LRMDA: variants seen among roughly 807,000 people sequenced by gnomAD.
LRMDA encodes leucine-rich melanocyte differentiation-associated protein.
LRMDA carries 18 observed loss-of-function variants against 29.8 expected under a neutral mutation model. The observed-to-expected ratio is 0.60, with a 90% confidence interval of 0.42 to 0.90. The LOEUF (loss-of-function observed/expected upper bound fraction) is 0.90, where lower values mean the gene tolerates loss of function less well. LRMDA is among the 40% of genes least tolerant of loss of function. LRMDA has a pLI of 0.00. For missense variants in LRMDA, 273 were observed against 273.9 expected, an observed-to-expected ratio of 1.00 and a Z score of 0.02; for synonymous variants, 125 against 109.4, an observed-to-expected ratio of 1.14 and a Z score of -0.89.
chr10:75,750,483 CGGGGGGT>C (rs1319999561), intron 2 of LRMDA, among the ~76,000 whole-genome samples: 3 of 45,438 alleles, frequency 6.6e-5, no homozygotes, highest in Non-Finnish European at 1.3e-4. Context: ...CCAGACGGGG[CGGGGGGT>C]GGGGGGCAGA....
At chr10:76,047,024 T>C in intron 3 of LRMDA, 140 bp from the exon 4 acceptor site, 1 of 897,586 alleles carries the variant, frequency 1.1e-6, no homozygotes, top group Non-Finnish European at 1.7e-6. Context: ...CAATACCGTA[T>C]ACCCACAGCT....
At chr10:75,930,982 CA>C (rs370098900) in intron 2 of LRMDA, among the ~76,000 whole-genome samples, 56 of 152,298 alleles carry the variant, frequency 3.7e-4, no homozygotes, top group African/African-American at 1.2e-3. Context: ...AGATAGACTA[CA>C]AAGTATTGGT....
At chr10:76,376,459 C>G (rs753759404) in intron 6 of LRMDA, among the ~76,000 whole-genome samples, 3 of 152,066 alleles carry the variant, frequency 2.0e-5, no homozygotes, top group Non-Finnish European at 4.4e-5. Context: ...TTTTCTTTAT[C>G]CAGTCATCTG....
intron 6 of LRMDA, among the ~76,000 whole-genome samples, chr10:76,358,827 A>G (rs1362428934): frequency 6.6e-6 from 1 of 152,200 alleles, no homozygotes; most frequent in Non-Finnish European, 1.5e-5. Flanking sequence ...TATCCATCTA[A>G]TCGCAGCTGT....
intron 2 of LRMDA, among the ~76,000 whole-genome samples, chr10:75,578,233 A>AAAAAAAAAAAAAAAC (rs1255751315): frequency 6.8e-6 from 1 of 147,060 alleles, no homozygotes; most frequent in Admixed American, 6.9e-5. Flanking sequence ...AAAAAAAAAA[A>AAAAAAAAAAAAAAAC]AAAAAAGCAG....
At chr10:76,429,775 G>A (rs1050022176) in intron 6 of LRMDA, among the ~76,000 whole-genome samples, 6 of 152,114 alleles carry the variant, frequency 3.9e-5, no homozygotes, top group African/African-American at 4.8e-5. Flanking sequence ...CAGCCATGGG[G>A]GCCTGGGCAG....
chr10:75,471,229 G>A (rs1844722680), intron 2 of LRMDA, among the ~76,000 whole-genome samples: 3 of 151,866 alleles, frequency 2.0e-5, no homozygotes, highest in Non-Finnish European at 4.4e-5. Context: ...GGTGGGGTGT[G>A]AGTGGGGTGT....
chr10:76,046,104 G>T (rs1287206366), intron 3 of LRMDA, among the ~76,000 whole-genome samples: 3 of 147,960 alleles, frequency 2.0e-5, no homozygotes, highest in African/African-American at 7.6e-5. Context: ...GCCATTCCCT[G>T]GCTGGGACCC....
At chr10:76,247,875 C>T (rs1483139851) in intron 5 of LRMDA, among the ~76,000 whole-genome samples, 1 of 152,090 alleles carries the variant, frequency 6.6e-6, no homozygotes, top group Non-Finnish European at 1.5e-5. Flanking sequence ...ATATTTGGAG[C>T]AGACAAAAGT....
At chr10:75,432,756 T>C (rs571636797) in intron 1 of LRMDA, among the ~76,000 whole-genome samples, 9 of 152,372 alleles carry the variant, frequency 5.9e-5, no homozygotes, top group African/African-American at 1.7e-4. Flanking sequence ...TTACAGCTCC[T>C]ACAGATGCAG....
At chr10:75,894,514 A>G (rs1261177710) in intron 2 of LRMDA, among the ~76,000 whole-genome samples, 1 of 152,172 alleles carries the variant, frequency 6.6e-6, no homozygotes, top group Non-Finnish European at 1.5e-5. Context: ...ATTTTCATAT[A>G]ATGACTTCTT....
chr10:76,495,124 G>T (rs1422502327), intron 6 of LRMDA, among the ~76,000 whole-genome samples: 2 of 151,796 alleles, frequency 1.3e-5, no homozygotes. Flanking sequence ...AAGTTTTAGT[G>T]TTTTATACTT....
At chr10:75,534,291 A>G (rs993780933) in intron 2 of LRMDA, among the ~76,000 whole-genome samples, 4 of 152,222 alleles carry the variant, frequency 2.6e-5, no homozygotes, top group Non-Finnish European at 5.9e-5. Context: ...TGTGTGTGGC[A>G]GTTAGTTGCC....
At chr10:76,169,271 G>A (rs11001657) in intron 5 of LRMDA, among the ~76,000 whole-genome samples, 1 of 152,164 alleles carries the variant, frequency 6.6e-6, no homozygotes, top group Admixed American at 6.5e-5. Context: ...GAATAATTCA[G>A]CTCAAGGGAA....
intron 5 of LRMDA, among the ~76,000 whole-genome samples, chr10:76,080,698 T>C (rs1849035234): frequency 6.6e-6 from 1 of 152,244 alleles, no homozygotes; most frequent in Admixed American, 6.5e-5. Context: ...AAACACCTTG[T>C]AACATTCAAA....
Position 75,438,384 on chromosome 10 carries a change from T to G in LRMDA, c.31-10T>G, listed in dbSNP as rs1844286291. On this transcript the variant is annotated splice_polypyrimidine_tract_variant and intron_variant, in intron 1 of 6. Coordinates refer to ENST00000611255, the MANE Select transcript of LRMDA (RefSeq NM_001305581.2). ...TTTGCCACATTGTTTCTGTTCCATT[T>G]AATTTCCAGGTGTCCTACATAGGCC... 1 of 1,547,656 alleles carries G rather than the reference T, an allele frequency of 6.5e-7. No individual in the cohort carries two copies. Among genetic ancestry groups the G allele is most frequent in the Admixed American group, 2.0e-5 (1 of 50,986 alleles).
intron 6 of LRMDA, among the ~76,000 whole-genome samples, chr10:76,544,782 G>A (rs1336004104): frequency 1.3e-5 from 2 of 151,278 alleles, no homozygotes; most frequent in African/African-American, 4.9e-5. Flanking sequence ...GTTAGAGGAT[G>A]GGAAGTTGAA....
At chr10:76,053,836 C>T (rs150715444) in intron 4 of LRMDA, among the ~76,000 whole-genome samples, 143 of 152,284 alleles carry the variant, frequency 9.4e-4, no homozygotes, top group African/African-American at 2.8e-3. Context: ...GTTATTTTCA[C>T]GAGGACATTG....
chr10:76,111,989 G>A (rs866192447), intron 5 of LRMDA, among the ~76,000 whole-genome samples: 1 of 152,216 alleles, frequency 6.6e-6, no homozygotes, highest in African/African-American at 2.4e-5. Context: ...GGCTACATTT[G>A]AAAATCTTTA....
Sources: gnomAD v4.1 joint callset for allele counts (sites outside exome capture counted in the v4.1 genomes callset) on GRCh38, gnomAD v4.1.1 for gene constraint, MANE v1.5 for transcripts, NCBI Gene and HGNC (gene_info 2026-07-23, HGNC 2026-07-21) for gene names.